The following DMD variants were observed in gnomAD, a reference collection of about 807,000 sequenced individuals.
The protein encoded by DMD is mutant dystrophin.
Under a neutral mutation model 330.1 loss-of-function variants are expected in DMD, and 63 were observed. The ratio of observed to expected loss-of-function variants is 0.19; its 90% CI spans 0.16 to 0.24. The LOEUF is 0.24. Ranked by LOEUF, DMD falls within the 10% of genes least tolerant of loss-of-function variation. DMD has a pLI of 1.00. For missense variants in DMD, 3,344 were observed against 2,684.1 expected (o/e 1.25, Z -5.43); for synonymous variants, 1,223 against 959.8 (o/e 1.27, Z -5.07).
intron 51 of DMD, among the ~76,000 whole-genome samples, chrX:31,766,581 T>C (rs1456089976): frequency 8.9e-6 from 1 of 111,972 alleles, no homozygotes; most frequent in Non-Finnish European, 1.9e-5. Context: ...TTAAACACAA[T>C]GGCAAACATA....
At chrX:32,451,918 C>A (rs1036978146) in intron 26 of DMD, among the ~76,000 whole-genome samples, 1 of 110,576 alleles carries the variant, frequency 9.0e-6, no homozygotes, top group African/African-American at 3.3e-5. Context: ...CCATACTAAA[C>A]CAATTTTGTA....
intron 64 of DMD, among the ~76,000 whole-genome samples, chrX:31,220,435 T>C (rs1336592216): frequency 8.9e-6 from 1 of 111,991 alleles, no homozygotes; most frequent in Non-Finnish European, 1.9e-5. Flanking sequence ...TCCGCAACTT[T>C]ATGCTGACAT....
At chrX:32,293,788 A>T (rs926142758) in intron 42 of DMD, among the ~76,000 whole-genome samples, 1 of 111,902 alleles carries the variant, frequency 8.9e-6, no homozygotes, top group Admixed American at 9.5e-5. Context: ...CAAACAATAT[A>T]TCCATGTAAC....
intron 2 of DMD, among the ~76,000 whole-genome samples, chrX:32,882,745 T>A (rs1166744245): frequency 3.6e-5 from 4 of 112,163 alleles, no homozygotes; most frequent in Non-Finnish European, 7.5e-5. Flanking sequence ...GTAGTTATTT[T>A]TCAAAGTCAA....
At chrX:33,009,960 A>G (rs1219378958) in intron 2 of DMD, among the ~76,000 whole-genome samples, 1 of 75,076 alleles carries the variant, frequency 1.3e-5, no homozygotes, top group Non-Finnish European at 2.5e-5. Flanking sequence ...GTATGTGTAT[A>G]TACACATATG....
chrX:31,773,724 CTT>C (rs762551529), intron 51 of DMD, among the ~76,000 whole-genome samples: 42 of 53,546 alleles, frequency 7.8e-4, no homozygotes, highest in East Asian at 3.2e-3. Context: ...AAGGTTTCTG[CTT>C]TTTTTTTTTT....
At chrX:32,139,062 T>G (rs2096740933) in intron 44 of DMD, among the ~76,000 whole-genome samples, 1 of 111,914 alleles carries the variant, frequency 8.9e-6, no homozygotes, top group South Asian at 3.7e-4. Flanking sequence ...TGCTGGAAAA[T>G]CGGAGACGAT....
intron 44 of DMD, among the ~76,000 whole-genome samples, chrX:32,165,165 A>T (rs1569548039): frequency 8.9e-6 from 1 of 112,195 alleles, no homozygotes; most frequent in Non-Finnish European, 1.9e-5. Context: ...CTATGAGAAG[A>T]GGGCCACTGT....
intron 2 of DMD, among the ~76,000 whole-genome samples, chrX:32,974,039 T>C (rs1602337461): frequency 9.0e-6 from 1 of 111,725 alleles, no homozygotes; most frequent in Admixed American, 9.6e-5. Flanking sequence ...GCCTTACGAA[T>C]ACCCGTAAAC....
At chrX:31,349,101 G>A (rs1298065717) in intron 60 of DMD, among the ~76,000 whole-genome samples, 1 of 112,346 alleles carries the variant, frequency 8.9e-6, no homozygotes, top group Non-Finnish European at 1.9e-5. Flanking sequence ...AAATCATTGA[G>A]TGATATTTAA....
At chrX:31,887,635 C>T (rs1329657932) in intron 47 of DMD, among the ~76,000 whole-genome samples, 1 of 112,024 alleles carries the variant, frequency 8.9e-6, no homozygotes, top group Admixed American at 9.5e-5. Flanking sequence ...ATTGCTTAAT[C>T]CCTCTGGAAG....
At chrX:32,815,516 T>TACACACACACAC (rs1231062329) in intron 6 of DMD, among the ~76,000 whole-genome samples, 38 of 47,331 alleles carry the variant, frequency 8.0e-4, no homozygotes, top group African/African-American at 2.7e-3. Flanking sequence ...TATATATATA[T>TACACACACACAC]ATATACACAC....
chrX:31,773,981 G>A lies in DMD; in HGVS notation c.7521C>T (p.Asn2507=), dbSNP rs112516305. 461 of 1,205,000 alleles carry A rather than the reference G, an allele frequency of 3.8e-4. 1 individual carries two copies. Among genetic ancestry groups the A allele is most frequent in the Non-Finnish European group, 4.9e-4 (437 of 892,923 alleles). Residue 2507 remains asparagine, a synonymous_variant, in exon 51 of 79, where the codon AAC becomes AAT. Transcript: ENST00000357033. ...ATACCTTCTGCTTGATGATCATCTC[G>A]TTGATATCCTCAAGGTCACCCACCA... ...RVMVGDLEDI[N]EMIIKQKATM... is the part of the protein sequence containing the mutation.
At chrX:32,522,102 G>C (rs756479108) in intron 17 of DMD, among the ~76,000 whole-genome samples, 1 of 111,731 alleles carries the variant, frequency 9.0e-6, no homozygotes, top group Non-Finnish European at 1.9e-5. Flanking sequence ...CCCAGTTTAT[G>C]GTATTTTGTT....
upstream of DMD, among the ~76,000 whole-genome samples, chrX:33,215,775 A>G (rs2052042220): frequency 1.8e-5 from 2 of 111,961 alleles, no homozygotes; most frequent in African/African-American, 6.5e-5. Context: ...TCTATTGAAT[A>G]GGAAGTCCTT....
intron 60 of DMD, among the ~76,000 whole-genome samples, chrX:31,364,920 C>A (rs2059148250): frequency 9.1e-6 from 1 of 109,369 alleles, no homozygotes; most frequent in African/African-American, 3.3e-5. Flanking sequence ...ACGGTGAAAC[C>A]CCGTCTGTAC....
At chrX:32,582,389 T>C (rs1186098526) in intron 13 of DMD, among the ~76,000 whole-genome samples, 2 of 111,498 alleles carry the variant, frequency 1.8e-5, no homozygotes, top group African/African-American at 6.5e-5. Context: ...CAAAAATATA[T>C]TCATAACAGC....
chrX:32,855,747 C>G (rs891411816), intron 2 of DMD, among the ~76,000 whole-genome samples: 8 of 111,896 alleles, frequency 7.1e-5, no homozygotes, highest in East Asian at 2.8e-4. Flanking sequence ...CTCCAAGACA[C>G]TGGTCTAGGC....
intron 9 of DMD, among the ~76,000 whole-genome samples, chrX:32,666,190 G>A (rs999120020): frequency 1.8e-5 from 2 of 111,084 alleles, no homozygotes; most frequent in Non-Finnish European, 3.8e-5. Context: ...ATTCCTAGGT[G>A]TCTTTTTTTA....
Sources: allele counts gnomAD v4.1 joint callset (sites outside exome capture counted in the v4.1 genomes callset), GRCh38; gene constraint gnomAD v4.1.1; transcripts MANE v1.5; gene names NCBI Gene and HGNC (gene_info 2026-07-23, HGNC 2026-07-21).